TRAPPC3: variants seen among roughly 807,000 people sequenced by gnomAD.
TRAPPC3 encodes trafficking protein particle complex subunit 3.
In TRAPPC3, 5 loss-of-function variants were observed where a neutral mutation model predicts 18.2. The observed-to-expected ratio is 0.28, with a 90% CI of 0.14 to 0.58. The LOEUF (loss-of-function observed/expected upper bound fraction) is 0.58. TRAPPC3 is among the 20% of genes least tolerant of loss of function. The pLI is 0.91. For missense variants in TRAPPC3, 176 were observed against 225.9 expected, an observed-to-expected ratio of 0.78 and a Z score of 1.41; for synonymous variants, 65 against 84.2, an observed-to-expected ratio of 0.77 and a Z score of 1.25.
chr1:36,146,592 TAAA>T (rs58611478), intron 1 of TRAPPC3, among the ~76,000 whole-genome samples: 6 of 82,996 alleles, frequency 7.2e-5, no homozygotes, highest in Non-Finnish European at 8.5e-5. Context: ...CCTACTTCAT[TAAA>T]AAAAAAAAAA....
At chr1:36,138,210 T>C in intron 3 of TRAPPC3, 2 of 1,548,012 alleles carry the variant, frequency 1.3e-6, no homozygotes, top group African/African-American at 1.4e-5. Flanking sequence ...TTTGTTTTGT[T>C]TTCCCAGAAA....
chr1:36,155,185 C>T (rs1394405381), intron 1 of TRAPPC3, among the ~76,000 whole-genome samples: 1 of 152,176 alleles, frequency 6.6e-6, no homozygotes, highest in Non-Finnish European at 1.5e-5. Context: ...GCACAGCTGC[C>T]CCTCCTCCTC....
intron 1 of TRAPPC3, among the ~76,000 whole-genome samples, chr1:36,141,179 A>C (rs1009105273): frequency 6.6e-6 from 1 of 152,080 alleles, no homozygotes; most frequent in African/African-American, 2.4e-5. Context: ...GAATTCTGTC[A>C]CTTATCTACC....
intron 1 of TRAPPC3, chr1:36,140,443 C>G (rs375966178): frequency 5.6e-5 from 17 of 305,400 alleles, no homozygotes; most frequent in East Asian, 4.2e-4. Flanking sequence ...CAACCCAAGT[C>G]TCCACCACAG....
upstream of TRAPPC3, among the ~76,000 whole-genome samples, chr1:36,153,436 G>A (rs2124182692): frequency 6.6e-6 from 1 of 152,298 alleles, no homozygotes; most frequent in East Asian, 1.9e-4. Context: ...CAGCAGCACA[G>A]GAAACCTTCA....
At chr1:36,138,359 C>A in intron 3 of TRAPPC3, 1 of 1,109,366 alleles carries the variant, frequency 9.0e-7, no homozygotes, top group East Asian at 2.6e-5. Flanking sequence ...TCTCTGTCCT[C>A]TGTCTGTGCT....
At chr1:36,152,119 G>A (rs1380578510), upstream of TRAPPC3, among the ~76,000 whole-genome samples, 1 of 152,038 alleles carries the variant, frequency 6.6e-6, no homozygotes, top group Non-Finnish European at 1.5e-5. Context: ...GTGGGTGTGG[G>A]AGCAGCATCC....
chr1:36,144,816 G>A (rs1453438601), intron 1 of TRAPPC3, among the ~76,000 whole-genome samples: 1 of 152,114 alleles, frequency 6.6e-6, no homozygotes, highest in Non-Finnish European at 1.5e-5. Context: ...TAAGATAATG[G>A]ACTTGAATGT....
At chr1:36,141,248 A>C (rs1244756700) in intron 1 of TRAPPC3, among the ~76,000 whole-genome samples, 1 of 152,258 alleles carries the variant, frequency 6.6e-6, no homozygotes, top group Non-Finnish European at 1.5e-5. Context: ...GAATGAAAGC[A>C]GCAGGCAGGG....
chr1:36,140,816 G>A (rs941446438), intron 1 of TRAPPC3: 1 of 152,182 alleles, frequency 6.6e-6, no homozygotes, highest in Admixed American at 6.5e-5. Context: ...GAATCAACTG[G>A]TTTCTATTAC....
At chr1:36,149,620 A>G, upstream of TRAPPC3, 1 of 586,514 alleles carries the variant, frequency 1.7e-6, no homozygotes. Flanking sequence ...CTCTTAACAC[A>G]GTCAACTACA....
chr1:36,148,226 T>G (rs1644228824), intron 1 of TRAPPC3, among the ~76,000 whole-genome samples: 1 of 152,152 alleles, frequency 6.6e-6, no homozygotes, highest in African/African-American at 2.4e-5. Flanking sequence ...TTTGGGAGCC[T>G]GAACAGGCAG....
chr1:36,137,074 T>A lies in TRAPPC3; in HGVS notation c.*129A>T. The A allele has an allele frequency of 3.5e-6, 4 of 1,136,846 alleles. No homozygotes were observed. Among genetic ancestry groups the A allele is most frequent in the Non-Finnish European group, 5.0e-6 (4 of 803,488 alleles). 70.4% of individuals were successfully genotyped at this position (1,136,846 alleles called of 1,614,324 possible). On this transcript the variant is annotated 3_prime_UTR_variant, in exon 5 of 5. Transcript: ENST00000373166. ...GTCTGCTCTTTATTTGAATGGAGAA[T>A]GGAAACAGGTTATAAGAATATATAA...
chr1:36,142,539 G>C (rs1017448486), intron 1 of TRAPPC3, among the ~76,000 whole-genome samples: 1 of 152,114 alleles, frequency 6.6e-6, no homozygotes, highest in African/African-American at 2.4e-5. Context: ...TTACCAATAA[G>C]AACAATCAAG....
rs4653161 is a variant in TRAPPC3, at chr1:36,136,601, T to C, written c.*602A>G. 0.018 allele frequency: 2,699 copies of C among 152,748 alleles called. 46 individuals are homozygous for C. Among genetic ancestry groups the C allele is most frequent in the Middle Eastern group, 0.031 (9 of 294 alleles). The allele number at this position is 152,748 out of a possible 1,614,324, so 9.5% of individuals were successfully genotyped here. ...GATTTCACTCAAGAATGTGTCTTTATTGAAGAATTTGTAAGAAAAAAGGAT... is the reference window on the plus strand; with the variant it reads ...GATTTCACTCAAGAATGTGTCTTTACTGAAGAATTTGTAAGAAAAAAGGAT... On this transcript the variant is annotated 3_prime_UTR_variant, in exon 5 of 5. Coordinates refer to ENST00000373166, the MANE Select transcript of TRAPPC3 (RefSeq NM_014408.5).
chr1:36,138,970 A>C (rs1644065587), intron 3 of TRAPPC3, among the ~76,000 whole-genome samples: 1 of 145,952 alleles, frequency 6.9e-6, no homozygotes, highest in African/African-American at 2.5e-5. Flanking sequence ...CGGGGGGCGG[A>C]GGTTGTGGTG....
Position 36,137,194 on chromosome 1 carries a change from T to C in TRAPPC3, c.*9A>G. The stretch of plus-strand genomic sequence containing the variant: ...GCTCCTGATGGCTATCCTCGAGTTG[T>C]AGGGATGGTTATTCCTCTCCAGCTG... On this transcript the variant is annotated 3_prime_UTR_variant, in exon 5 of 5. Transcript: ENST00000373166. The C allele has an allele frequency of 6.2e-7, 1 of 1,602,132 alleles. No homozygotes were observed. The highest frequency in any genetic ancestry group is 1.7e-4 in the Middle Eastern group (1 of 6,028).
chr1:36,147,862 TG>T (rs1463802190), intron 1 of TRAPPC3, among the ~76,000 whole-genome samples: 9 of 152,086 alleles, frequency 5.9e-5, no homozygotes, highest in Non-Finnish European at 1.2e-4. Flanking sequence ...CGAAGAATAC[TG>T]GGGGCTGGGG....
chr1:36,153,978 C>T (rs748658180), upstream of TRAPPC3, among the ~76,000 whole-genome samples: 4 of 152,160 alleles, frequency 2.6e-5, no homozygotes, highest in Non-Finnish European at 4.4e-5. Flanking sequence ...GCCATTTCCA[C>T]CTCCACTATT....
Sources: allele counts gnomAD v4.1 joint callset (sites outside exome capture counted in the v4.1 genomes callset), GRCh38; gene constraint gnomAD v4.1.1; transcripts MANE v1.5; gene names NCBI Gene and HGNC (gene_info 2026-07-23, HGNC 2026-07-21).